PRELID2: variants seen among roughly 807,000 people sequenced by gnomAD.
The protein encoded by PRELID2 is PRELI domain-containing protein 2.
PRELID2 carries 25 observed loss-of-function variants against 28.4 expected under a neutral mutation model. That is an observed-to-expected ratio of 0.88 (90% confidence interval 0.64 to 1.23). The LOEUF is 1.23. PRELID2 is among the 50% of genes most tolerant of loss of function. PRELID2 has a pLI of 0.00. For missense variants in PRELID2, 201 were observed against 214.4 expected, an observed-to-expected ratio of 0.94 and a Z score of 0.39; for synonymous variants, 76 against 71.6, an observed-to-expected ratio of 1.06 and a Z score of -0.31.
chr5:145,371,905 T>C, the PRELID2 span, among the ~76,000 whole-genome samples: 3 of 141,312 alleles, frequency 2.1e-5, no homozygotes, highest in Admixed American at 1.4e-4. Flanking sequence ...AAAAAACAGC[T>C]CCTGGATTCA....
At chr5:145,778,757 G>A (rs112463905) in intron 5 of PRELID2, among the ~76,000 whole-genome samples, 2 of 152,216 alleles carry the variant, frequency 1.3e-5, no homozygotes, top group African/African-American at 2.4e-5. Flanking sequence ...CCTTGGAGGC[G>A]TGGAAGCCAG....
At chr5:145,310,543 C>T in the PRELID2 span, among the ~76,000 whole-genome samples, 4 of 152,222 alleles carry the variant, frequency 2.6e-5, no homozygotes, top group East Asian at 1.9e-4. Flanking sequence ...AATTACAAAA[C>T]GATGATACTC....
At chr5:145,790,891 G>GTATA (rs3038407) in intron 5 of PRELID2, among the ~76,000 whole-genome samples, 97,012 of 141,042 alleles carry the variant, frequency 0.69, 34,373 homozygotes, top group East Asian at 0.81. Context: ...TCACTTCTGG[G>GTATA]TATATATATA....
At chr5:145,249,790 A>G in the PRELID2 span, among the ~76,000 whole-genome samples, 1 of 152,154 alleles carries the variant, frequency 6.6e-6, no homozygotes, top group Non-Finnish European at 1.5e-5. Context: ...CTTTACAGAA[A>G]AAAGACATAA....
chr5:145,524,302 C>T (rs976778174), intron 1 of PRELID2, among the ~76,000 whole-genome samples: 3 of 152,180 alleles, frequency 2.0e-5, no homozygotes, highest in Non-Finnish European at 4.4e-5. Flanking sequence ...GAGCAGCCAT[C>T]CCTTCTCATT....
In PRELID2 at chr5:145,527,999, T is replaced by C. The variant is rs1752623588; in HGVS notation, n.71-54684A>G. Among the ~76,000 whole-genome samples, 3 of 152,076 alleles carry C rather than the reference T, an allele frequency of 2.0e-5. No individual in the cohort carries two copies. The South Asian group carries it at 6.2e-4, about 32-fold the overall frequency. The stretch of plus-strand genomic sequence containing the variant: ...CCATAATTACTCTCATTTCAGAACC[T>C]TTGCATATTATGTCCCATCTCCCAG... On this transcript the variant is annotated intron_variant and non_coding_transcript_variant, in intron 1 of 2. Transcript: ENST00000510259.
intron 1 of PRELID2, among the ~76,000 whole-genome samples, chr5:145,824,116 A>G (rs569095018): frequency 4.6e-5 from 7 of 152,198 alleles, no homozygotes; most frequent in Middle Eastern, 3.4e-3. Context: ...GTGAAAAGAG[A>G]GACACTGGGA....
At chr5:145,724,600 A>AATAAATATATAT (rs1308255896) in intron 1 of PRELID2, among the ~76,000 whole-genome samples, 1 of 24,778 alleles carries the variant, frequency 4.0e-5, no homozygotes, top group Non-Finnish European at 9.5e-5. Context: ...GAAGTAAATA[A>AATAAATATATAT]ATATATATAT....
intron 5 of PRELID2, among the ~76,000 whole-genome samples, chr5:145,774,588 C>G (rs1028243831): frequency 6.6e-5 from 10 of 152,218 alleles, no homozygotes; most frequent in African/African-American, 2.2e-4. Flanking sequence ...CACCTCCCCA[C>G]ATTCAGCTAG....
intron 1 of PRELID2, among the ~76,000 whole-genome samples, chr5:145,534,671 G>A (rs1002947586): frequency 2.0e-5 from 3 of 151,968 alleles, no homozygotes; most frequent in South Asian, 4.1e-4. Context: ...CGTAATAAAT[G>A]CAATTTATCT....
At chr5:145,694,692 G>C (rs1011732203) in intron 1 of PRELID2, among the ~76,000 whole-genome samples, 1 of 151,724 alleles carries the variant, frequency 6.6e-6, no homozygotes, top group Non-Finnish European at 1.5e-5. Flanking sequence ...AATGTCATTC[G>C]TTTGTTCACT....
chr5:145,279,534 T>C, the PRELID2 span, among the ~76,000 whole-genome samples: 1 of 152,134 alleles, frequency 6.6e-6, no homozygotes, highest in African/African-American at 2.4e-5. Flanking sequence ...CAGGTTTAAA[T>C]ACACAAACCA....
chr5:145,389,844 T>C, the PRELID2 span, among the ~76,000 whole-genome samples: 1 of 152,138 alleles, frequency 6.6e-6, no homozygotes. Context: ...TCACACTTAC[T>C]CTACTGAGAA....
the PRELID2 span, among the ~76,000 whole-genome samples, chr5:145,319,834 G>A: frequency 2.0e-5 from 3 of 152,166 alleles, no homozygotes; most frequent in African/African-American, 7.2e-5. Context: ...TACCACCAGA[G>A]TCCAGGTGTC....
At chr5:145,657,995 T>C (rs1311136790) in intron 1 of PRELID2, among the ~76,000 whole-genome samples, 1 of 152,170 alleles carries the variant, frequency 6.6e-6, no homozygotes, top group African/African-American at 2.4e-5. Context: ...TGCTCATAGA[T>C]GTCATATAAC....
At chr5:145,300,011 A>G in the PRELID2 span, among the ~76,000 whole-genome samples, 1 of 152,114 alleles carries the variant, frequency 6.6e-6, no homozygotes. Flanking sequence ...TTATGAACTC[A>G]AGATTTAAAT....
At position 145,721,025 on chromosome 5, in the gene PRELID2, C is replaced by T. The variant is rs115488369; in HGVS notation, n.70+43906G>A. ...ATATTTTTTATTTTAAAATAATAAA[C>T]CCATTACATAATATAAAACTTTTTC... On this transcript the variant is annotated intron_variant and non_coding_transcript_variant, in intron 1 of 2. Coordinates refer to the PRELID2 transcript ENST00000510259. 4.8e-3 allele frequency among the ~76,000 whole-genome samples: 730 copies of T among 151,950 alleles called. 3 individuals are homozygous for T. Among genetic ancestry groups the T allele is most frequent in the African/African-American group, 0.017 (687 of 41,486 alleles).
At chr5:145,585,735 A>G (rs1447714530) in intron 1 of PRELID2, among the ~76,000 whole-genome samples, 2 of 152,160 alleles carry the variant, frequency 1.3e-5, no homozygotes, top group African/African-American at 4.8e-5. Context: ...TAGAGTGAGC[A>G]AAAGTAATGA....
At chr5:145,316,478 T>C in the PRELID2 span, among the ~76,000 whole-genome samples, 71 of 152,300 alleles carry the variant, frequency 4.7e-4, no homozygotes, top group African/African-American at 1.6e-3. Flanking sequence ...CCCTCAGTCA[T>C]ACACCACGCA....
Sources: gnomAD v4.1 joint callset for allele counts (sites outside exome capture counted in the v4.1 genomes callset) on GRCh38, gnomAD v4.1.1 for gene constraint, MANE v1.5 for transcripts, NCBI Gene and HGNC (gene_info 2026-07-23, HGNC 2026-07-21) for gene names.